The following TAF6L variants were observed in gnomAD, a reference collection of about 807,000 sequenced individuals.
TAF6L encodes the protein TAF6-like RNA polymerase II p300/CBP-associated factor-associated factor 65 kDa subunit 6L.
Under a neutral mutation model 57.3 loss-of-function variants are expected in TAF6L, and 34 were observed. The ratio of observed to expected loss-of-function variants is 0.59; its 90% CI spans 0.45 to 0.79. The LOEUF (loss-of-function observed/expected upper bound fraction) is 0.79. Among genes scored for constraint, TAF6L ranks in the 30% least tolerant of loss-of-function variants. The pLI, the probability that TAF6L is intolerant of heterozygous loss-of-function variation, is 0.00. For synonymous variants in TAF6L, 417 were observed against 376.3 expected, an observed-to-expected ratio of 1.11 and a Z score of -1.25; for missense variants, 782 against 853.2, an observed-to-expected ratio of 0.92 and a Z score of 1.04.
At chr11:62,774,402 A>G (rs1023703572) in intron 1 of TAF6L, among the ~76,000 whole-genome samples, 5 of 152,182 alleles carry the variant, frequency 3.3e-5, no homozygotes, top group Admixed American at 1.3e-4. Context: ...TTCAAAGACA[A>G]TGGGGAGCCA....
At chr11:62,776,568 C>T (rs1249225046) in intron 3 of TAF6L, 98 bp downstream of exon 3, 1 of 1,250,074 alleles carries the variant, frequency 8.0e-7, no homozygotes, top group Non-Finnish European at 1.2e-6. Context: ...AGACCAAACG[C>T]TGCCGGGCAT....
rs768994714 is a variant in TAF6L at position 62,775,912 on chromosome 11, T to C, written c.129T>C (p.Arg43=). Residue 43 remains arginine, a synonymous_variant, in exon 2 of 11, where the codon CGT becomes CGC. Transcript: ENST00000294168. ...AALLAEDVCY[R]LREATQNSSQ... ...TGCTCGCAGAGGACGTGTGCTATCGTCTGAGAGAGGCCACGCAGGTACACT... is the reference window on the plus strand; with the variant it reads ...TGCTCGCAGAGGACGTGTGCTATCGCCTGAGAGAGGCCACGCAGGTACACT... The C allele has an allele frequency of 2.5e-6, 4 of 1,612,130 alleles. No individual in the cohort carries two copies. Among genetic ancestry groups the C allele is most frequent in the Middle Eastern group, 1.7e-4 (1 of 6,056 alleles).
Position 62,775,940 on chromosome 11 carries a change from C to T in TAF6L, c.147+10C>T, listed in dbSNP as rs758372729. 6 of 1,594,738 alleles carry T rather than the reference C, an allele frequency of 3.8e-6. No individual in the cohort carries two copies. The highest frequency in any genetic ancestry group is 4.3e-6 in the Non-Finnish European group (5 of 1,170,006). Reference sequence around the variant, plus strand: ...GAGAGAGGCCACGCAGGTACACTCCCCTCACCCCCTGATACCTCCAACTTT... The same window carrying T: ...GAGAGAGGCCACGCAGGTACACTCCTCTCACCCCCTGATACCTCCAACTTT... On this transcript the variant is annotated intron_variant, in intron 2 of 10. Transcript: ENST00000294168.
chr11:62,775,699 G>C (rs2084181774), intron 1 of TAF6L, 72 bp from the exon 2 acceptor site: 1 of 1,479,964 alleles, frequency 6.8e-7, no homozygotes, highest in Admixed American at 2.2e-5. Context: ...CTGGTGTGGA[G>C]GGTGTTGGAT....
chr11:62,782,911 T>G, intron 9 of TAF6L, 86 bp downstream of exon 9: 1 of 1,553,478 alleles, frequency 6.4e-7, no homozygotes, highest in Non-Finnish European at 8.7e-7. Context: ...ATCTCCAAAA[T>G]AGTGTGTGCC....
In TAF6L at chr11:62,787,114, A is replaced by G. The variant is rs1441779465; in HGVS notation, c.1687A>G (p.Ile563Val). The G allele has an allele frequency of 1.3e-6, 2 of 1,552,250 alleles. No individual in the cohort carries two copies. Among genetic ancestry groups the G allele is most frequent in the Admixed American group, 3.7e-5 (2 of 53,448 alleles). Residue 563 changes from isoleucine (I) to valine (V), a missense_variant, in exon 11 of 11, where the codon ATC becomes GTC. By Grantham distance (29) the Ile-to-Val change is conservative. Coordinates refer to ENST00000294168, the MANE Select transcript of TAF6L (RefSeq NM_006473.4). ...APRGAPHFRF[I>V]IAGRQAGRRC... ...GCGCGGCGCCCCGCACTTTCGTTTC[A>G]TCATAGCCGGGCGGCAGGCTGGGAG... is the stretch of plus-strand genomic sequence containing the variant.
intron 9 of TAF6L, 123 bp from the exon 10 acceptor site, chr11:62,786,137 G>GT: frequency 8.0e-7 from 1 of 1,243,368 alleles, no homozygotes; most frequent in Non-Finnish European, 1.1e-6. Context: ...GCCAATCAGG[G>GT]AATTTAGGAG....
intron 1 of TAF6L, 65 bp from the exon 2 acceptor site, chr11:62,775,706 G>A: frequency 2.6e-6 from 4 of 1,510,654 alleles, no homozygotes; most frequent in Non-Finnish European, 3.5e-6. Flanking sequence ...GGAGGGTGTT[G>A]GATCACACTC....
intron 8 of TAF6L, 34 bp downstream of exon 8, chr11:62,782,367 G>A (rs1472929508): frequency 1.2e-6 from 2 of 1,600,720 alleles, no homozygotes; most frequent in Non-Finnish European, 8.5e-7. Context: ...GGGTGGGATT[G>A]CTGCAGAGCC....
chr11:62,786,135 G>C (rs577160360), intron 9 of TAF6L, 125 bp from the exon 10 acceptor site: 33 of 1,220,700 alleles, frequency 2.7e-5, no homozygotes, highest in South Asian at 7.9e-5. Context: ...ATGCCAATCA[G>C]GGAATTTAGG....
Position 62,775,817 on chromosome 11 carries a change from A to T in TAF6L, c.34A>T (p.Ile12Phe), listed in dbSNP as rs2084183163. 4.3e-6 allele frequency: 7 copies of T among 1,611,774 alleles called. No individual in the cohort carries two copies. Among genetic ancestry groups the T allele is most frequent in the Non-Finnish European group, 5.9e-6 (7 of 1,179,824 alleles). ...GCGAGAAGAGCGGCGGTTTGTGGAG[A>T]TCCCTCGGGAGTCTGTCCGGCTCAT... ...SEREERRFVE[I>F]PRESVRLMAE... is the part of the protein sequence containing the mutation. Residue 12 changes from isoleucine to phenylalanine, a missense_variant, in exon 2 of 11, where the codon ATC becomes TTC. This residue lies in a region of TAF6L where 220 missense variants were observed against 252.1 expected (regional missense o/e 0.87). Transcript: ENST00000294168.
intron 9 of TAF6L, among the ~76,000 whole-genome samples, chr11:62,784,190 A>G (rs1000632081): frequency 8.1e-5 from 12 of 148,418 alleles, no homozygotes; most frequent in South Asian, 2.2e-4. Context: ...GGGTTTCACA[A>G]TGTTGGCCAG....
At position 62,786,857 on chromosome 11, in the gene TAF6L, C is replaced by A. The variant is rs747660417; in HGVS notation, c.1430C>A (p.Ala477Glu). 55 of 1,592,924 alleles carry A rather than the reference C, an allele frequency of 3.5e-5. No homozygotes were observed. In the South Asian group the frequency reaches 5.4e-4, roughly 16 times the overall value. Residue 477 changes from alanine to glutamate, a missense_variant, in exon 11 of 11, where the codon GCA (alanine) becomes GAA (glutamate). Coordinates refer to ENST00000294168, the MANE Select transcript of TAF6L (RefSeq NM_006473.4). ...CCCGGGGACAAGAAGGAGCCGGCGG[C>A]AGCCCCGGACTCGGTGCGGAAGATG... ...RPPGDKKEPA[A>E]APDSVRKMPQ...
chr11:62,786,968 C>T lies in TAF6L; in HGVS notation c.1541C>T (p.Ser514Phe), dbSNP rs921977578. 37 of 1,446,608 alleles carry T rather than the reference C, an allele frequency of 2.6e-5. No homozygotes were observed. Among genetic ancestry groups the T allele is most frequent in the Non-Finnish European group, 3.3e-5 (37 of 1,111,464 alleles). 89.6% of individuals were successfully genotyped at this position (1,446,608 alleles called of 1,614,324 possible). A position where few individuals can be genotyped will look rare whatever the true frequency, so the allele number is the denominator to read the frequency against. Reference protein sequence around the residue: ...GSGGGGPASASGPAASESRPL... With the variant: ...GSGGGGPASAFGPAASESRPL... ...GGCGGAGGCGGCCCCGCGTCGGCCT[C>T]TGGGCCCGCCGCCTCTGAGAGCAGG... The change falls in exon 11 of 11, where the codon TCT (serine) becomes TTT (phenylalanine). Residue 514 changes from serine (S) to phenylalanine (F), a missense_variant. Coordinates refer to ENST00000294168, the MANE Select transcript of TAF6L (RefSeq NM_006473.4).
At chr11:62,780,093 C>T (rs1438149851) in intron 6 of TAF6L, among the ~76,000 whole-genome samples, 5 of 147,766 alleles carry the variant, frequency 3.4e-5, no homozygotes, top group Admixed American at 6.8e-5. Flanking sequence ...CAGAGGTGGG[C>T]GGATCACTTG....
intron 6 of TAF6L, among the ~76,000 whole-genome samples, chr11:62,780,686 T>C (rs541478939): frequency 2.4e-4 from 37 of 151,924 alleles, no homozygotes; most frequent in African/African-American, 8.7e-4. Flanking sequence ...TCCCAGCAGT[T>C]TGGGAGGCCG....
chr11:62,773,998 T>C (rs1451665976), intron 1 of TAF6L, among the ~76,000 whole-genome samples: 2 of 151,794 alleles, frequency 1.3e-5, no homozygotes, highest in Non-Finnish European at 2.9e-5. Flanking sequence ...CACAAGAAAG[T>C]AGGAGATAAG....
chr11:62,776,117 A>G (rs1226082937), intron 2 of TAF6L, among the ~76,000 whole-genome samples, 187 bp downstream of exon 2: 1 of 152,226 alleles, frequency 6.6e-6, no homozygotes, highest in African/African-American at 2.4e-5. Context: ...CTTGCCAGGC[A>G]TCTTCCCATG....
chr11:62,781,127 T>A (rs1455371075), intron 6 of TAF6L, among the ~76,000 whole-genome samples: 1 of 150,768 alleles, frequency 6.6e-6, no homozygotes, highest in Admixed American at 6.6e-5. Flanking sequence ...TCCCAGCTAC[T>A]TGGGAGGCTG....
Sources: allele counts gnomAD v4.1 joint callset (sites outside exome capture counted in the v4.1 genomes callset), GRCh38; gene constraint gnomAD v4.1.1; regional missense constraint gnomAD v4.1.1; transcripts MANE v1.5; gene names NCBI Gene and HGNC (gene_info 2026-07-23, HGNC 2026-07-21).